GYG1: variants seen among roughly 807,000 people sequenced by gnomAD.
The protein encoded by GYG1 is glycogenin 1.
A neutral mutation model predicts 41.9 loss-of-function variants in GYG1; 44 were observed. The ratio of observed to expected loss-of-function variants is 1.05; its 90% confidence interval spans 0.83 to 1.35. The LOEUF is 1.35. GYG1 is among the 40% of genes most tolerant of loss of function. The probability of loss-of-function intolerance (pLI) is 0.00; values close to 1 mark genes in which losing one functional copy is unlikely to be tolerated. For synonymous variants in GYG1, 141 were observed against 158.1 expected, an observed-to-expected ratio of 0.89 and a Z score of 0.81; for missense variants, 429 against 418.9, an observed-to-expected ratio of 1.02 and a Z score of -0.21.
chr3:149,012,997 T>TTGTGTGTGTGTGTGTGTG (rs10575910), intron 5 of GYG1, among the ~76,000 whole-genome samples: 2,372 of 141,384 alleles, frequency 0.017, 52 homozygotes, highest in African/African-American at 0.044. Flanking sequence ...CTCAGTTAAT[T>TTGTGTGTGTGTGTGTGTG]TGTGTGTGTG....
Position 149,026,917 on chromosome 3 carries a change from A to G in GYG1, c.1037A>G (p.Asp346Gly). The G allele has an allele frequency of 1.2e-6, 2 of 1,613,772 alleles. No homozygotes were observed. The highest frequency in any genetic ancestry group is 2.2e-5 in the East Asian group (1 of 44,886). ...TTTGACAACATCAAGAGGAAACTTG[A>G]CACTTACCTCCAGTAGAAACACTGC... is the stretch of plus-strand genomic sequence containing the variant. The part of the protein sequence containing the change: ...DSFDNIKRKL[D>G]TYLQ The change falls in exon 8 of 8, where the codon GAC becomes GGC. Residue 346 changes from aspartate (D) to glycine (G), a missense_variant. By Grantham distance (94) the Asp-to-Gly change is moderately conservative (BLOSUM62 -1). Coordinates refer to ENST00000345003, the MANE Select transcript of GYG1 (RefSeq NM_004130.4).
intron 1 of GYG1, among the ~76,000 whole-genome samples, chr3:148,993,469 G>A (rs1195322645): frequency 6.6e-6 from 1 of 152,122 alleles, no homozygotes; most frequent in African/African-American, 2.4e-5. Context: ...CCTCTTTGAG[G>A]AGCTGATACT....
chr3:149,009,546 G>A (rs1246706810), intron 5 of GYG1, 144 bp downstream of exon 5: 2 of 867,986 alleles, frequency 2.3e-6, no homozygotes, highest in Non-Finnish European at 3.9e-6. Context: ...AACCGTGGCT[G>A]CAATGGGGAG....
intron 5 of GYG1, among the ~76,000 whole-genome samples, chr3:149,014,698 A>G (rs982795714): frequency 1.3e-5 from 2 of 151,862 alleles, no homozygotes; most frequent in Admixed American, 1.3e-4. Context: ...AAAAAAATAC[A>G]TATATATAAA....
Position 148,996,386 on chromosome 3 carries a change from G to A in GYG1, c.228G>A (p.Lys76=). The A allele has an allele frequency of 6.2e-7, 1 of 1,612,724 alleles. No homozygotes were observed. Among genetic ancestry groups the A allele is most frequent in the South Asian group, 1.1e-5 (1 of 91,038 alleles). ...ATTCTGCTCATCTAACCTTAATGAAGAGGCCAGAGTTGGGTGTCACGCTGA... is the reference window on the plus strand; with the variant it reads ...ATTCTGCTCATCTAACCTTAATGAAAAGGCCAGAGTTGGGTGTCACGCTGA... ...SGDSAHLTLM[K]RPELGVTLTK... The change falls in exon 3 of 8, where the codon AAG becomes AAA. Residue 76 remains lysine (K), a synonymous_variant. Transcript: ENST00000345003.
intron 5 of GYG1, among the ~76,000 whole-genome samples, chr3:149,021,002 T>C (rs1354737062): frequency 2.6e-5 from 4 of 152,088 alleles, no homozygotes; most frequent in African/African-American, 9.7e-5. Flanking sequence ...CAGATCTCTG[T>C]GGTGGGTTCC....
chr3:149,001,774 G>A (rs1280878141), intron 4 of GYG1, among the ~76,000 whole-genome samples: 3 of 152,150 alleles, frequency 2.0e-5, no homozygotes, highest in East Asian at 1.9e-4. Context: ...GTGTTGTGGT[G>A]GGGTGGGTGG....
At chr3:148,993,555 T>C (rs750184996) in intron 1 of GYG1, among the ~76,000 whole-genome samples, 3 of 152,158 alleles carry the variant, frequency 2.0e-5, no homozygotes, top group Non-Finnish European at 4.4e-5. Context: ...GAAACAGTTA[T>C]GTATAAGATG....
chr3:149,000,283 C>G (rs1300376747), intron 4 of GYG1, among the ~76,000 whole-genome samples: 1 of 152,162 alleles, frequency 6.6e-6, no homozygotes, highest in African/African-American at 2.4e-5. Flanking sequence ...AATGAAGAGT[C>G]AAACTTCTAT....
rs187581038 is a variant in GYG1 at position 149,030,409 on chromosome 3, T to C, written c.*3476T>C. 6.6e-6 allele frequency: 1 copy of C among 152,066 alleles called. No individual in the cohort carries two copies. Among genetic ancestry groups the C allele is most frequent in the Admixed American group, 6.5e-5 (1 of 15,292 alleles). 9.4% of individuals were successfully genotyped at this position (152,066 alleles called of 1,614,324 possible). ...AACAAAGAGACATTTTTTAAACAACTTGCCAAACTTACTTATGAGTGTGTT... is the reference window on the plus strand; with the variant it reads ...AACAAAGAGACATTTTTTAAACAACCTGCCAAACTTACTTATGAGTGTGTT... On this transcript the variant is annotated 3_prime_UTR_variant, in exon 8 of 8. Transcript: ENST00000345003.
In GYG1 at chr3:149,031,031, A is replaced by G. The variant is rs1714987127; in HGVS notation, c.*4098A>G. 1 of 152,202 alleles carries G rather than the reference A, an allele frequency of 6.6e-6. No individual in the cohort carries two copies. The highest frequency in any genetic ancestry group is 6.5e-5 in the Admixed American group (1 of 15,272). 9.4% of individuals were successfully genotyped at this position (152,202 alleles called of 1,614,324 possible). ...AGAGTAATTAATCTTTCTTTGGATT[A>G]AAGTTTCCCTTTGAAATAAAACCAC... On this transcript the variant is annotated 3_prime_UTR_variant, in exon 8 of 8. Transcript: ENST00000345003.
At chr3:149,016,976 G>A (rs6773598) in intron 5 of GYG1, among the ~76,000 whole-genome samples, 2,434 of 152,240 alleles carry the variant, frequency 0.016, 82 homozygotes, top group African/African-American at 0.055. Flanking sequence ...GAGAAGTGTC[G>A]CACAAGCAGT....
intron 5 of GYG1, among the ~76,000 whole-genome samples, chr3:149,019,572 C>T (rs1714260320): frequency 6.6e-6 from 1 of 152,230 alleles, no homozygotes; most frequent in Non-Finnish European, 1.5e-5. Flanking sequence ...GAAAACTGCC[C>T]TGTCTATGAA....
At chr3:148,994,015 G>A in intron 1 of GYG1, 127 bp from the exon 2 acceptor site, 1 of 829,362 alleles carries the variant, frequency 1.2e-6, no homozygotes, top group Non-Finnish European at 2.0e-6. Flanking sequence ...GCTACAGCTT[G>A]ATTCATAGAG....
intron 5 of GYG1, among the ~76,000 whole-genome samples, chr3:149,010,696 C>T (rs1185102932): frequency 6.6e-6 from 1 of 152,134 alleles, no homozygotes; most frequent in Non-Finnish European, 1.5e-5. Flanking sequence ...CTGTTAGGGA[C>T]AGGATCCTAT....
intron 5 of GYG1, among the ~76,000 whole-genome samples, chr3:149,015,626 G>A (rs548585924): frequency 1.3e-5 from 2 of 152,166 alleles, no homozygotes; most frequent in South Asian, 4.1e-4. Context: ...GGAGGTTCCT[G>A]GTGACTTTGG....
chr3:148,991,553 T>A lies in GYG1; in HGVS notation c.-88T>A. The A allele has an allele frequency of 1.3e-6, 2 of 1,516,602 alleles. No homozygotes were observed. The highest frequency in any genetic ancestry group is 1.8e-6 in the Non-Finnish European group (2 of 1,132,922). The allele number at this position is 1,516,602 out of a possible 1,614,324, so 93.9% of individuals were successfully genotyped here. A position where few individuals can be genotyped will look rare whatever the true frequency, so the allele number is the denominator to read the frequency against. Reference sequence around the variant, plus strand: ...CAGACGCTCGGTTCCCCGCCGTGCCTCCTCGCTGGCCGCGCTCCCTCCCGG... The same window carrying A: ...CAGACGCTCGGTTCCCCGCCGTGCCACCTCGCTGGCCGCGCTCCCTCCCGG... On this transcript the variant is annotated 5_prime_UTR_variant, in exon 1 of 8. Transcript: ENST00000345003.
At chr3:148,997,692 A>T (rs1712888637) in intron 4 of GYG1, among the ~76,000 whole-genome samples, 1 of 152,230 alleles carries the variant, frequency 6.6e-6, no homozygotes, top group Admixed American at 6.5e-5. Context: ...TCTTTGAAAA[A>T]TTATTTTTGA....
chr3:149,015,827 C>T (rs1198871207), intron 5 of GYG1, among the ~76,000 whole-genome samples: 1 of 151,946 alleles, frequency 6.6e-6, no homozygotes, highest in African/African-American at 2.4e-5. Flanking sequence ...TAGATGTCAC[C>T]ACAGCATGTT....
Sources: gnomAD v4.1 joint callset for allele counts (sites outside exome capture counted in the v4.1 genomes callset) on GRCh38, gnomAD v4.1.1 for gene constraint, MANE v1.5 for transcripts, NCBI Gene and HGNC (gene_info 2026-07-23, HGNC 2026-07-21) for gene names.